Variants in PI4KA observed in about 807,000 individuals in gnomAD.
The protein encoded by PI4KA is phosphatidylinositol 4-kinase alpha, also known as PI4-kinase alpha.
Under a neutral mutation model 271.4 loss-of-function variants are expected in PI4KA, and 122 were observed. The ratio of observed to expected loss-of-function variants is 0.45; its 90% confidence interval spans 0.39 to 0.52. The LOEUF (loss-of-function observed/expected upper bound fraction) is 0.52. PI4KA is among the 20% of genes least tolerant of loss of function. PI4KA has a pLI of 0.00. For synonymous variants in PI4KA, 1,041 were observed against 1,078.8 expected, an observed-to-expected ratio of 0.96 and a Z score of 0.69; for missense variants, 1,969 against 2,769.1, an observed-to-expected ratio of 0.71 and a Z score of 6.48.
At chr22:20,778,767 G>C (rs930459418) in intron 19 of PI4KA, among the ~76,000 whole-genome samples, 1 of 152,270 alleles carries the variant, frequency 6.6e-6, no homozygotes, top group African/African-American at 2.4e-5. Flanking sequence ...CCAGCTCTTA[G>C]TGAGGTTTCC....
At chr22:20,825,457 T>G (rs970431851) in intron 3 of PI4KA, among the ~76,000 whole-genome samples, 1 of 152,080 alleles carries the variant, frequency 6.6e-6, no homozygotes, top group Non-Finnish European at 1.5e-5. Context: ...TAGCCAGGCA[T>G]GGTGATGCAT....
At chr22:20,811,709 A>C (rs1404938412) in intron 8 of PI4KA, among the ~76,000 whole-genome samples, 1 of 152,052 alleles carries the variant, frequency 6.6e-6, no homozygotes, top group Non-Finnish European at 1.5e-5. Flanking sequence ...AAAGAAATGA[A>C]AAACCGCCTA....
intron 36 of PI4KA, among the ~76,000 whole-genome samples, chr22:20,731,785 C>T (rs1480164523): frequency 1.3e-5 from 2 of 151,880 alleles, no homozygotes; most frequent in East Asian, 3.8e-4. Flanking sequence ...AAAAATTAGC[C>T]AGGTGTGGTA....
At position 20,819,664 on chromosome 22, in the gene PI4KA, T is replaced by C; in HGVS notation, c.766A>G (p.Ser256Gly). ...CQEGTLKRKT[S>G]SVSSISQVSP... ...ACCTGAGAGATGCTGGACACACTGC[T>C]GGTTTTCCTCTTCAGGGTACCCTCC... Residue 256 changes from serine to glycine, a missense_variant, in exon 6 of 55, where the codon AGC (serine) becomes GGC (glycine). Transcript: ENST00000255882. The C allele has an allele frequency of 2.5e-6, 4 of 1,614,106 alleles. No individual in the cohort carries two copies. Among genetic ancestry groups the C allele is most frequent in the Non-Finnish European group, 3.4e-6 (4 of 1,180,024 alleles).
chr22:20,844,630 T>C (rs1260873475), intron 1 of PI4KA, among the ~76,000 whole-genome samples: 2 of 152,184 alleles, frequency 1.3e-5, no homozygotes, highest in Non-Finnish European at 2.9e-5. Flanking sequence ...GGGACTCTTA[T>C]TAGAAAGACA....
intron 9 of PI4KA, among the ~76,000 whole-genome samples, chr22:20,808,684 AT>A (rs977259312): frequency 5.0e-4 from 71 of 143,366 alleles, no homozygotes; most frequent in South Asian, 1.5e-3. Context: ...CGTTTTTTTC[AT>A]TTTTTTTTTT....
At position 20,810,972 on chromosome 22, in the gene PI4KA, T is replaced by A; in HGVS notation, c.1066A>T (p.Met356Leu). 6.2e-7 allele frequency: 1 copy of A among 1,611,888 alleles called. No homozygotes were observed. Among genetic ancestry groups the A allele is most frequent in the Non-Finnish European group, 8.5e-7 (1 of 1,177,998 alleles). ...KSLDAIVASVMEANPSADLYY... is the reference protein window; with the variant it reads ...KSLDAIVASVLEANPSADLYY... ...TGCCCTCAGAAGCGACATACCTCCA[T>A]CACACTGGCTACAATGGCATCCAAA... Residue 356 changes from methionine (M) to leucine (L), a missense_variant, in exon 9 of 55, where the codon ATG becomes TTG. Transcript: ENST00000255882.
At chr22:20,781,537 C>T (rs1933799918) in intron 19 of PI4KA, among the ~76,000 whole-genome samples, 1 of 152,266 alleles carries the variant, frequency 6.6e-6, no homozygotes, top group Non-Finnish European at 1.5e-5. Flanking sequence ...TCTGTCCACA[C>T]ACCTGCTCTG....
rs868505083 is a variant in PI4KA at position 20,813,433 on chromosome 22, G to C, written c.930C>G (p.Val310=). ...YFSTISSSFS[V]SPLFNGVTYK... ...ATGTGACACCGTTGAAAAGGGGAGA[G>C]ACTGAGAAGCTGGAGCTGATGGTTG... The change falls in exon 8 of 55, where the codon GTC becomes GTG. Residue 310 remains valine, a synonymous_variant. Transcript: ENST00000255882. 6.2e-7 allele frequency: 1 copy of C among 1,613,418 alleles called. No individual in the cohort carries two copies. Among genetic ancestry groups the C allele is most frequent in the Non-Finnish European group, 8.5e-7 (1 of 1,179,402 alleles).
Position 20,805,179 on chromosome 22 carries a change from T to C in PI4KA, c.1169-14A>G. The C allele has an allele frequency of 6.2e-7, 1 of 1,601,112 alleles. No homozygotes were observed. The highest frequency in any genetic ancestry group is 8.5e-7 in the Non-Finnish European group (1 of 1,169,762). The stretch of plus-strand genomic sequence containing the variant: ...AGGTCGGGAGGTCTGTAGGAAAGAG[T>C]GTGGCATCACAGCTGGGAACAAAAC... On this transcript the variant is annotated splice_polypyrimidine_tract_variant and intron_variant, in intron 10 of 54. Transcript: ENST00000255882.
intron 6 of PI4KA, among the ~76,000 whole-genome samples, chr22:20,819,190 GA>G (rs1569069796): frequency 6.6e-6 from 1 of 152,090 alleles, no homozygotes; most frequent in Non-Finnish European, 1.5e-5. Context: ...CAGTTTAAAT[GA>G]ATTTTTTTTG....
At chr22:20,851,843 A>T (rs1046067261) in intron 1 of PI4KA, among the ~76,000 whole-genome samples, 2 of 152,228 alleles carry the variant, frequency 1.3e-5, no homozygotes, top group African/African-American at 4.8e-5. Context: ...CCAACTTGGC[A>T]ATGTTCATGA....
chr22:20,853,268 G>C (rs193215765), intron 1 of PI4KA, among the ~76,000 whole-genome samples: 4 of 152,292 alleles, frequency 2.6e-5, no homozygotes, highest in Admixed American at 2.0e-4. Context: ...CGGTATCCCA[G>C]GATCGAGGGC....
Position 20,794,375 on chromosome 22 carries a change from G to T in PI4KA, c.2278-1132C>A, listed in dbSNP as rs1331180145. 3.3e-5 allele frequency among the ~76,000 whole-genome samples: 5 copies of T among 152,254 alleles called. No individual in the cohort carries two copies. In the East Asian group the frequency reaches 7.7e-4, roughly 24 times the overall value. On this transcript the variant is annotated intron_variant, in intron 18 of 54. Transcript: ENST00000255882. ...TTTCTCAGGTGCTCAGCACCACCTT[G>T]TATCATCAGTACCCCACTCTTATCC...
chr22:20,811,765 G>A (rs552356302), intron 8 of PI4KA, among the ~76,000 whole-genome samples: 66 of 152,178 alleles, frequency 4.3e-4, no homozygotes, highest in Non-Finnish European at 8.5e-4. Flanking sequence ...TGTAATCCCA[G>A]CACTTTAGGA....
chr22:20,841,510 C>T (rs1197481026), intron 1 of PI4KA, among the ~76,000 whole-genome samples: 3 of 152,154 alleles, frequency 2.0e-5, no homozygotes, highest in African/African-American at 7.2e-5. Flanking sequence ...TCAGAAATTA[C>T]TTTAAAAGCC....
At chr22:20,858,530 C>A in intron 1 of PI4KA, 40 bp downstream of exon 1, 1 of 1,317,782 alleles carries the variant, frequency 7.6e-7, no homozygotes, top group Non-Finnish European at 9.8e-7. Context: ...CACCCCAGCC[C>A]CTCCTCCTGT....
intron 19 of PI4KA, among the ~76,000 whole-genome samples, chr22:20,778,780 G>T (rs1933509231): frequency 6.6e-6 from 1 of 152,114 alleles, no homozygotes; most frequent in South Asian, 2.1e-4. Flanking sequence ...AGGTTTCCCT[G>T]ACTCTCTGGG....
chr22:20,750,789 T>C (rs577152705), intron 27 of PI4KA, among the ~76,000 whole-genome samples: 1 of 152,298 alleles, frequency 6.6e-6, no homozygotes, highest in East Asian at 1.9e-4. Flanking sequence ...CTTGCCACAG[T>C]GAGGGCTCTG....
Sources: allele counts gnomAD v4.1 joint callset (sites outside exome capture counted in the v4.1 genomes callset), GRCh38; gene constraint gnomAD v4.1.1; transcripts MANE v1.5; gene names NCBI Gene and HGNC (gene_info 2026-07-23, HGNC 2026-07-21).